The following TTBK2 variants were observed in gnomAD, a reference collection of about 807,000 sequenced individuals.
TTBK2 encodes the protein tau-tubulin kinase 2.
TTBK2 carries 28 observed loss-of-function variants against 110.8 expected under a neutral mutation model. The observed-to-expected ratio is 0.25, with a 90% CI of 0.19 to 0.35. The LOEUF (loss-of-function observed/expected upper bound fraction) is 0.35. TTBK2 is among the 10% of genes least tolerant of loss of function. The pLI, the probability that TTBK2 is intolerant of heterozygous loss-of-function variation, is 1.00. For missense variants in TTBK2, 1,369 were observed against 1,500.3 expected (o/e 0.91, Z 1.45); for synonymous variants, 532 against 527.3 (o/e 1.01, Z -0.12).
chr15:42,774,044 A>G (rs1295853427), intron 13 of TTBK2, among the ~76,000 whole-genome samples: 2 of 152,080 alleles, frequency 1.3e-5, no homozygotes, highest in Non-Finnish European at 2.9e-5. Flanking sequence ...CTGCTAACTA[A>G]CTCTGGTGAA....
intron 13 of TTBK2, among the ~76,000 whole-genome samples, chr15:42,761,846 T>C (rs2062032555): frequency 1.3e-5 from 2 of 152,178 alleles, no homozygotes; most frequent in African/African-American, 2.4e-5. Flanking sequence ...ACAGTGTTTG[T>C]GGGTGTAACG....
intron 13 of TTBK2, among the ~76,000 whole-genome samples, chr15:42,771,580 T>C (rs984064520): frequency 3.3e-5 from 5 of 152,194 alleles, no homozygotes; most frequent in African/African-American, 1.2e-4. Context: ...GCAATACAAC[T>C]AACTGCTAAT....
intron 7 of TTBK2, among the ~76,000 whole-genome samples, chr15:42,815,186 T>C (rs1891888775): frequency 6.6e-6 from 1 of 151,822 alleles, no homozygotes; most frequent in South Asian, 2.1e-4. Flanking sequence ...CAAGACAAAG[T>C]AAATAAGTAA....
At chr15:42,797,599 T>C (rs1021692387) in intron 9 of TTBK2, among the ~76,000 whole-genome samples, 3 of 152,218 alleles carry the variant, frequency 2.0e-5, no homozygotes, top group Non-Finnish European at 2.9e-5. Flanking sequence ...CGCTAAATCC[T>C]AACCTTCCTC....
chr15:42,776,799 C>CT, intron 12 of TTBK2: 1 of 589,020 alleles, frequency 1.7e-6, no homozygotes, highest in Non-Finnish European at 3.0e-6. Flanking sequence ...TACTGCTCAG[C>CT]TTCCAAAGCC....
In TTBK2 at chr15:42,783,634, T is replaced by C. The variant is rs1364204892; in HGVS notation, c.982A>G (p.Ile328Val). ...CCAGGGATGGGAGTAGCATTGGCAA[T>C]TCTACATATGAAGGGAGAAAAAAAA... ...HTRLTPAAIG[I>V]ANATPIPGDL... The change falls in exon 11 of 15, where the codon ATT (isoleucine) becomes GTT (valine). Residue 328 changes from isoleucine (I) to valine (V), a missense_variant and splice_region_variant. By Grantham distance (29) the Ile-to-Val change is conservative. Around this residue, in one of 4 missense-constraint regions of TTBK2, gnomAD observed 1,097 missense variants for 1,114.7 expected, o/e 0.98. Transcript: ENST00000267890. 1 of 1,613,242 alleles carries C rather than the reference T, an allele frequency of 6.2e-7. No individual in the cohort carries two copies.
chr15:42,800,841 G>T (rs932853408), intron 9 of TTBK2: 2 of 570,944 alleles, frequency 3.5e-6, no homozygotes, highest in African/African-American at 3.8e-5. Flanking sequence ...AAACTCCCTC[G>T]CGGATGGGCT....
chr15:42,910,912 CAG>C (rs1596051387), intron 1 of TTBK2, among the ~76,000 whole-genome samples: 1 of 151,884 alleles, frequency 6.6e-6, no homozygotes. Context: ...GGCATGGTGG[CAG>C]GTGCCTGTAA....
At chr15:42,780,361 A>T (rs8026776) in intron 11 of TTBK2, among the ~76,000 whole-genome samples, 39,770 of 146,984 alleles carry the variant, frequency 0.27, 6,153 homozygotes, top group African/African-American at 0.44. Context: ...TTTTTTTTTT[A>T]AAAGAAAGAA....
chr15:42,779,705 C>T (rs1045218150), intron 11 of TTBK2, among the ~76,000 whole-genome samples: 1 of 152,042 alleles, frequency 6.6e-6, no homozygotes, highest in Non-Finnish European at 1.5e-5. Context: ...CAAGGCTGGG[C>T]GCGGTGGCTC....
rs1270361748 is a variant in TTBK2 at position 42,908,502 on chromosome 15, T to C, written c.-68+11936A>G. The stretch of plus-strand genomic sequence containing the variant: ...AAAAGTATAGATTAGTTCTCAAATA[T>C]GTTTTAACTTGAAGCAAATTTTGAG... On this transcript the variant is annotated intron_variant, in intron 1 of 14. Coordinates refer to ENST00000267890, the MANE Select transcript of TTBK2 (RefSeq NM_173500.4). Among the ~76,000 whole-genome samples the C allele has an allele frequency of 2.0e-5, 3 of 152,166 alleles. No homozygotes were observed. The East Asian group carries it at 5.8e-4, about 29-fold the overall frequency.
At chr15:42,797,379 T>C (rs1294592997) in intron 9 of TTBK2, among the ~76,000 whole-genome samples, 1 of 152,228 alleles carries the variant, frequency 6.6e-6, no homozygotes, top group Admixed American at 6.5e-5. Context: ...AGAAACAGTT[T>C]GTTACTACGA....
chr15:42,800,693 G>C (rs540150356), intron 9 of TTBK2, among the ~76,000 whole-genome samples: 4 of 151,432 alleles, frequency 2.6e-5, no homozygotes, highest in Non-Finnish European at 5.9e-5. Context: ...GTGATAAGTA[G>C]ATGCAATAGA....
intron 13 of TTBK2, among the ~76,000 whole-genome samples, chr15:42,760,878 A>T (rs988800492): frequency 6.6e-6 from 1 of 152,218 alleles, no homozygotes; most frequent in South Asian, 2.1e-4. Context: ...CTAAGCAAAA[A>T]TACAAAAGAA....
chr15:42,778,899 G>C (rs931475118), intron 11 of TTBK2, among the ~76,000 whole-genome samples: 4 of 152,044 alleles, frequency 2.6e-5, no homozygotes, highest in African/African-American at 9.7e-5. Flanking sequence ...AAATATTCAA[G>C]GGACACAAGA....
At chr15:42,892,211 G>T (rs1432882739) in intron 1 of TTBK2, among the ~76,000 whole-genome samples, 1 of 152,102 alleles carries the variant, frequency 6.6e-6, no homozygotes, top group Non-Finnish European at 1.5e-5. Flanking sequence ...AAGATAACAA[G>T]AATACAAACA....
chr15:42,815,873 T>TAA (rs1351020838), intron 7 of TTBK2, among the ~76,000 whole-genome samples: 2 of 115,070 alleles, frequency 1.7e-5, no homozygotes, highest in East Asian at 5.3e-4. Context: ...TATATATATT[T>TAA]AAATATATAT....
intron 1 of TTBK2, among the ~76,000 whole-genome samples, chr15:42,920,178 C>A (rs1221409915): frequency 6.6e-6 from 1 of 152,284 alleles, no homozygotes; most frequent in African/African-American, 2.4e-5. Flanking sequence ...AGCTTCGTGA[C>A]CCTCCAAGTT....
chr15:42,871,875 A>G (rs1894629298), intron 3 of TTBK2, among the ~76,000 whole-genome samples: 1 of 152,184 alleles, frequency 6.6e-6, no homozygotes, highest in African/African-American at 2.4e-5. Context: ...TGGTAGAGAA[A>G]CTTGGATACG....
Sources: gnomAD v4.1 joint callset for allele counts (sites outside exome capture counted in the v4.1 genomes callset) on GRCh38, gnomAD v4.1.1 for gene constraint, gnomAD v4.1.1 regional missense constraint, MANE v1.5 for transcripts, NCBI Gene and HGNC (gene_info 2026-07-23, HGNC 2026-07-21) for gene names.